The following CYP3A5 variants were observed in gnomAD, a reference collection of about 807,000 sequenced individuals.
CYP3A5 encodes the protein cytochrome P450 3A5.
CYP3A5 carries 51 observed loss-of-function variants against 55.9 expected under a neutral mutation model. The observed-to-expected ratio is 0.91, with a 90% confidence interval of 0.73 to 1.15. The LOEUF is 1.15. CYP3A5 is among the 50% of genes most tolerant of loss of function. The pLI is 0.00. For missense variants in CYP3A5, 533 were observed against 596.6 expected, an observed-to-expected ratio of 0.89 and a Z score of 1.11; for synonymous variants, 196 against 213.9, an observed-to-expected ratio of 0.92 and a Z score of 0.73.
intron 2 of CYP3A5, among the ~76,000 whole-genome samples, chr7:99,675,774 G>C (rs984222099): frequency 7.0e-6 from 1 of 143,470 alleles, no homozygotes; most frequent in African/African-American, 2.6e-5. Context: ...GCTCAATACA[G>C]CCTTGACTTC....
rs897000133 is a variant in CYP3A5 at position 99,658,074 on chromosome 7, C to T, written c.1026+2425G>A. On this transcript the variant is annotated intron_variant, in intron 10 of 12. Transcript: ENST00000222982. ...TGTCTTTTAATTGGAGCATTTAGCC[C>T]GTTTACATTTAAGGTTAATATTTTT... 3.9e-5 allele frequency among the ~76,000 whole-genome samples: 6 copies of T among 152,032 alleles called. No homozygotes were observed. In the South Asian group the frequency reaches 1.0e-3, roughly 26 times the overall value.
At chr7:99,660,412 T>C (rs1026269728) in intron 10 of CYP3A5, 87 bp downstream of exon 10, 18 of 1,491,558 alleles carry the variant, frequency 1.2e-5, no homozygotes, top group Non-Finnish European at 1.5e-5. Flanking sequence ...ATTATGCTTT[T>C]TATAAAAATT....
At chr7:99,664,143 CTT>C (rs1286769432) in intron 7 of CYP3A5, 48 bp from the exon 8 acceptor site, 2 of 1,427,666 alleles carry the variant, frequency 1.4e-6, no homozygotes, top group South Asian at 2.6e-5. Flanking sequence ...AAAATGCAAA[CTT>C]TACCTGGAGC....
chr7:99,672,579 C>G lies in CYP3A5; in HGVS notation c.318+1G>C. On this transcript the variant is annotated splice_donor_variant, in intron 4 of 12. Coordinates refer to ENST00000222982, the MANE Select transcript of CYP3A5 (RefSeq NM_000777.5). LOFTEE classifies it high-confidence loss of function. ...TTAAATTTCAAAAAATGGATGCTTA[C>G]CCTTCGATTTGTGAAGACAGAATAA... 1 of 1,611,624 alleles carries G rather than the reference C, an allele frequency of 6.2e-7. No individual in the cohort carries two copies. The highest frequency in any genetic ancestry group is 8.5e-7 in the Non-Finnish European group (1 of 1,177,948).
intron 4 of CYP3A5, among the ~76,000 whole-genome samples, chr7:99,672,042 T>TTTG (rs573372567): frequency 0.014 from 2,164 of 151,834 alleles, 17 homozygotes; most frequent in Non-Finnish European, 0.02. Context: ...TTTGCCGGTT[T>TTTG]TTGTTGTTGT....
intron 11 of CYP3A5, among the ~76,000 whole-genome samples, chr7:99,651,951 G>A (rs1463660737): frequency 6.6e-6 from 1 of 152,148 alleles, no homozygotes; most frequent in Non-Finnish European, 1.5e-5. Context: ...TAGGGATGAG[G>A]ACTTCTCAGG....
In CYP3A5 at chr7:99,650,134, A is replaced by G. The variant is rs1809026934; in HGVS notation, c.1352T>C (p.Met451Thr). The G allele has an allele frequency of 1.2e-6, 2 of 1,614,172 alleles. No individual in the cohort carries two copies. The highest frequency in any genetic ancestry group is 1.7e-6 in the Non-Finnish European group (2 of 1,180,014). ...AAGGACTCTGATTAGAGCAAGTTTC[A>G]TGTTCATGAGAGCAAACCTCATGCC... ...CIGMRFALMN[M>T]KLALIRVLQN... Residue 451 changes from methionine (M) to threonine (T), a missense_variant, in exon 12 of 13, where the codon ATG (methionine) becomes ACG (threonine). By Grantham distance (81) the Met-to-Thr change is moderately conservative (BLOSUM62 -1). Transcript: ENST00000222982.
chr7:99,660,214 CTTTTTTTTTTTTT>C lies in CYP3A5; in HGVS notation c.1026+272_1026+284del, dbSNP rs34318418. 1.2e-3 allele frequency: 531 copies of C among 429,922 alleles called. 2 individuals are homozygous for C. The highest frequency in any genetic ancestry group is 1.7e-3 in the African/African-American group (36 of 20,916). The allele number at this position is 429,922 out of a possible 1,614,324, so 26.6% of individuals were successfully genotyped here. A position where few individuals can be genotyped will look rare whatever the true frequency, so the allele number is the denominator to read the frequency against. On this transcript the variant is annotated intron_variant, in intron 10 of 12. Transcript: ENST00000222982. ...GTTTGGCCATCTTCTCGCCACACTC[CTTTTTTTTTTTTT>C]TTTTTTTTTTTTTTTTTTACTTAGC...
At chr7:99,665,852 CA>C (rs1810958991) in intron 6 of CYP3A5, among the ~76,000 whole-genome samples, 1 of 152,180 alleles carries the variant, frequency 6.6e-6, no homozygotes, top group Non-Finnish European at 1.5e-5. Flanking sequence ...CCACTATCCC[CA>C]GCTCCTCTGA....
chr7:99,674,750 C>T (rs1402490360), intron 2 of CYP3A5, among the ~76,000 whole-genome samples, 165 bp from the exon 3 acceptor site: 1 of 152,192 alleles, frequency 6.6e-6, no homozygotes, highest in African/African-American at 2.4e-5. Context: ...GACAAGAAAA[C>T]AGAGAATATA....
Position 99,672,677 on chromosome 7 carries a change from G to T in CYP3A5, c.221C>A (p.Thr74Lys), listed in dbSNP as rs1257327336. Residue 74 changes from threonine (T) to lysine (K), a missense_variant and splice_region_variant, in exon 4 of 13, where the codon ACG becomes AAG. By Grantham distance (78) the Thr-to-Lys change is moderately conservative. Transcript: ENST00000222982. ...CYKKYGKMWG[T>K]YEGQLPVLAI... The stretch of plus-strand genomic sequence containing the variant: ...CAGCACAGGGAGTTGACCTTCATAC[G>T]TTCTGTGTGGGGACAACGGAGCTGA... 1.9e-6 allele frequency: 3 copies of T among 1,613,900 alleles called. No individual in the cohort carries two copies. The highest frequency in any genetic ancestry group is 2.5e-6 in the Non-Finnish European group (3 of 1,179,954).
At chr7:99,679,504 C>A (rs1461214628) in intron 1 of CYP3A5, among the ~76,000 whole-genome samples, 1 of 152,206 alleles carries the variant, frequency 6.6e-6, no homozygotes, top group East Asian at 1.9e-4. Context: ...CCATCATGAT[C>A]AGCAGTTTGT....
At chr7:99,678,333 G>A (rs1359648804) in intron 1 of CYP3A5, among the ~76,000 whole-genome samples, 1 of 152,202 alleles carries the variant, frequency 6.6e-6, no homozygotes. Context: ...CCTGAGAGCT[G>A]AGGAATATTT....
At chr7:99,656,848 G>T (rs1357366629) in intron 10 of CYP3A5, among the ~76,000 whole-genome samples, 2 of 152,160 alleles carry the variant, frequency 1.3e-5, no homozygotes, top group Admixed American at 6.5e-5. Context: ...ATTTCTTCTA[G>T]ATTTTCTAGT....
At chr7:99,660,436 G>T in intron 10 of CYP3A5, 63 bp downstream of exon 10, 1 of 1,521,908 alleles carries the variant, frequency 6.6e-7, no homozygotes, top group Non-Finnish European at 8.8e-7. Flanking sequence ...CTGGGGAGTG[G>T]TGAGGAGGCA....
chr7:99,667,890 A>T (rs1450103801), intron 4 of CYP3A5, among the ~76,000 whole-genome samples: 1 of 152,224 alleles, frequency 6.6e-6, no homozygotes. Flanking sequence ...GAACTAAAAA[A>T]TGCCCACTCT....
At chr7:99,666,747 G>C in intron 5 of CYP3A5, 58 bp from the exon 6 acceptor site, 2 of 1,612,990 alleles carry the variant, frequency 1.2e-6, no homozygotes, top group Admixed American at 1.7e-5. Flanking sequence ...GTCCCAGAAG[G>C]ATATGGCTTT....
Position 99,653,986 on chromosome 7 carries a change from A to G in CYP3A5, c.1027-1207T>C, listed in dbSNP as rs965312373. Among the ~76,000 whole-genome samples, 14 of 152,300 alleles carry G rather than the reference A, an allele frequency of 9.2e-5. No individual in the cohort carries two copies. Among genetic ancestry groups the G allele is most frequent in the African/African-American group, 3.4e-4 (14 of 41,546 alleles). ...CCCCAGGGCCAGGCTACCTCAGACC[A>G]TAGCCAGACCAGAGTGAGTCCAGTC... On this transcript the variant is annotated intron_variant, in intron 10 of 12. Transcript: ENST00000222982. The surrounding 1 kb of genome is among the most constrained non-coding windows in gnomAD (Gnocchi z 4.2).
intron 3 of CYP3A5, among the ~76,000 whole-genome samples, chr7:99,673,339 T>C (rs1040650813): frequency 2.0e-5 from 3 of 152,220 alleles, no homozygotes; most frequent in African/African-American, 7.2e-5. Context: ...CCTCATCCAC[T>C]GCTCTCACCA....
Sources: allele counts gnomAD v4.1 joint callset (sites outside exome capture counted in the v4.1 genomes callset), GRCh38; gene constraint gnomAD v4.1.1; non-coding constraint Gnocchi (gnomAD v3.1); transcripts MANE v1.5; gene names NCBI Gene and HGNC (gene_info 2026-07-23, HGNC 2026-07-21).